The following IQSEC1 variants were observed in gnomAD, a reference collection of about 807,000 sequenced individuals.
IQSEC1 encodes IQ motif and Sec7 domain ArfGEF 1.
IQSEC1 carries 31 observed loss-of-function variants against 91.0 expected under a neutral mutation model. The ratio of observed to expected loss-of-function variants is 0.34; its 90% CI spans 0.26 to 0.46. IQSEC1 has a LOEUF of 0.46. Among genes scored for constraint, IQSEC1 ranks in the 20% least tolerant of loss-of-function variants. The probability of loss-of-function intolerance (pLI) is 1.00; values close to 1 mark genes in which losing one functional copy is unlikely to be tolerated. For synonymous variants in IQSEC1, 699 were observed against 662.6 expected (o/e 1.05, Z -0.84); for missense variants, 1,388 against 1,575.6 (o/e 0.88, Z 2.02).
chr3:13,216,148 A>G (rs1329550363), intron 1 of IQSEC1, among the ~76,000 whole-genome samples: 1 of 152,218 alleles, frequency 6.6e-6, no homozygotes, highest in Non-Finnish European at 1.5e-5. Context: ...AATCTATCCA[A>G]AGGACACAGT....
At chr3:13,238,812 G>C (rs923685059) in intron 1 of IQSEC1, among the ~76,000 whole-genome samples, 3 of 152,298 alleles carry the variant, frequency 2.0e-5, no homozygotes, top group Middle Eastern at 3.4e-3. Flanking sequence ...TGGGTGTGCA[G>C]CAGCCCCCAG....
At chr3:12,925,153 G>T (rs1045210528) in intron 3 of IQSEC1, among the ~76,000 whole-genome samples, 2 of 152,078 alleles carry the variant, frequency 1.3e-5, no homozygotes, top group Admixed American at 1.3e-4. Flanking sequence ...CCAAACTCCC[G>T]CACACACATT....
rs1404860177 is a variant in IQSEC1 at position 12,967,839 on chromosome 3, G to A, written c.24-25974C>T. On this transcript the variant is annotated intron_variant, in intron 1 of 13. Coordinates refer to ENST00000613206, the MANE Select transcript of IQSEC1 (RefSeq NM_001134382.3). This position sits in a 1 kb window ranked among gnomAD's most constrained non-coding sequence, Gnocchi z 5.9. ...GGCGAGACTGCACGGAGCGTGTGGGGAAGAGAGCACAGGAGGCGTGGCCAC... is the reference window on the plus strand; with the variant it reads ...GGCGAGACTGCACGGAGCGTGTGGGAAAGAGAGCACAGGAGGCGTGGCCAC... 3 of 292,578 alleles carry A rather than the reference G, an allele frequency of 1.0e-5. No individual in the cohort carries two copies. In the East Asian group the frequency reaches 5.8e-4, roughly 57 times the overall value. The allele number at this position is 292,578 out of a possible 1,614,324, so 18.1% of individuals were successfully genotyped here.
At chr3:13,062,615 C>T (rs947034988) in intron 1 of IQSEC1, among the ~76,000 whole-genome samples, 11 of 152,116 alleles carry the variant, frequency 7.2e-5, no homozygotes, top group African/African-American at 9.7e-5. Flanking sequence ...GTGGCCTGAC[C>T]TCTCTGCAGC....
At chr3:13,252,728 G>GTT (rs558834911) in intron 1 of IQSEC1, among the ~76,000 whole-genome samples, 1 of 117,954 alleles carries the variant, frequency 8.5e-6, no homozygotes, top group African/African-American at 5.1e-5. Context: ...GTTTTTTTTT[G>GTT]TTTTTGTTTG....
At chr3:13,006,397 T>C (rs1036605766) in intron 1 of IQSEC1, among the ~76,000 whole-genome samples, 2 of 151,988 alleles carry the variant, frequency 1.3e-5, no homozygotes, top group Non-Finnish European at 2.9e-5. Flanking sequence ...GTGGGGGCCA[T>C]GTGGAGGGAA....
At chr3:13,281,072 T>C (rs1244100652) in intron 1 of IQSEC1, among the ~76,000 whole-genome samples, 2 of 152,198 alleles carry the variant, frequency 1.3e-5, no homozygotes, top group Non-Finnish European at 2.9e-5. Context: ...AGGAAGCCAT[T>C]CCCCAGGGTG....
In IQSEC1 at chr3:13,219,699, T is replaced by C. The variant is rs528847710; in HGVS notation, c.273-55566A>G. 2.6e-5 allele frequency among the ~76,000 whole-genome samples: 4 copies of C among 152,366 alleles called. No individual in the cohort carries two copies. The South Asian group carries it at 6.2e-4, about 24-fold the overall frequency. On this transcript the variant is annotated intron_variant, in intron 1 of 15. Coordinates refer to the IQSEC1 transcript ENST00000648114. ...CTTGCTGGGGCAGTGGCGCCAGTGC[T>C]GGCCCAAGGCCCGGCCACCTCAGCA...
chr3:13,216,340 T>C, intron 1 of IQSEC1, among the ~76,000 whole-genome samples: 1 of 152,196 alleles, frequency 6.6e-6, no homozygotes, highest in Non-Finnish European at 1.5e-5. Flanking sequence ...GAGGAACACA[T>C]GGTCAAATAT....
intron 2 of IQSEC1, among the ~76,000 whole-genome samples, chr3:13,088,229 T>C (rs2125136093): frequency 6.6e-6 from 1 of 152,306 alleles, no homozygotes; most frequent in East Asian, 1.9e-4. Context: ...GCTAACGCAG[T>C]GGGTGGCGAA....
intron 3 of IQSEC1, among the ~76,000 whole-genome samples, chr3:12,932,696 G>T (rs1015532971): frequency 1.3e-5 from 2 of 152,208 alleles, no homozygotes; most frequent in Non-Finnish European, 2.9e-5. Context: ...GGTGCAGGCA[G>T]TGAGGCTCAG....
rs1276048797 is a variant in IQSEC1 at position 13,115,051 on chromosome 3, G to A, written c.302+49053C>T. Among the ~76,000 whole-genome samples the A allele has an allele frequency of 5.9e-5, 9 of 152,308 alleles. No individual in the cohort carries two copies. In the East Asian group the frequency reaches 1.7e-3, roughly 29 times the overall value. On this transcript the variant is annotated intron_variant, in intron 2 of 15. Transcript: ENST00000648114. Reference sequence around the variant, plus strand: ...GGTGCCGGGCAGGGGGGCTGTGGGGGCTGGAAGCTCAGGTGCGGCCTTGAA... The same window carrying A: ...GGTGCCGGGCAGGGGGGCTGTGGGGACTGGAAGCTCAGGTGCGGCCTTGAA...
chr3:13,035,034 A>AC (rs1486316661), intron 1 of IQSEC1, among the ~76,000 whole-genome samples: 1 of 152,248 alleles, frequency 6.6e-6, no homozygotes, highest in African/African-American at 2.4e-5. Flanking sequence ...TCCTCCACTG[A>AC]CATCCCAGCA....
intron 2 of IQSEC1, among the ~76,000 whole-genome samples, chr3:13,080,430 C>T (rs948484688): frequency 1.1e-4 from 16 of 152,072 alleles, no homozygotes; most frequent in African/African-American, 3.4e-4. Context: ...GGGACACAGG[C>T]AGAGATGCAG....
In IQSEC1 at chr3:12,908,948, G is replaced by A. The variant is rs750620612; in HGVS notation, c.2578+325C>T. Reference sequence around the variant, plus strand: ...GCCTTGGCTGTGTGACCCATCAGTCGGTTGAGCCTGATGCAGAAGATGACG... The same window carrying A: ...GCCTTGGCTGTGTGACCCATCAGTCAGTTGAGCCTGATGCAGAAGATGACG... On this transcript the variant is annotated intron_variant, in intron 11 of 13. Coordinates refer to ENST00000613206, the MANE Select transcript of IQSEC1 (RefSeq NM_001134382.3). The surrounding 1 kb of genome is among the most constrained non-coding windows in gnomAD (Gnocchi z 4.9). Among the ~76,000 whole-genome samples, 12 of 152,134 alleles carry A rather than the reference G, an allele frequency of 7.9e-5. No individual in the cohort carries two copies. The East Asian group carries it at 9.6e-4, about 12-fold the overall frequency.
At chr3:12,966,741 C>CTCTG (rs1700597217) in intron 1 of IQSEC1, among the ~76,000 whole-genome samples, 1 of 152,320 alleles carries the variant, frequency 6.6e-6, no homozygotes, top group Non-Finnish European at 1.5e-5. Flanking sequence ...CCCCAGTGCA[C>CTCTG]CCCCAAGTGG....
At chr3:13,116,223 G>A (rs1188030907) in intron 2 of IQSEC1, among the ~76,000 whole-genome samples, 2 of 152,220 alleles carry the variant, frequency 1.3e-5, no homozygotes, top group South Asian at 2.1e-4. Flanking sequence ...GGGAAACTCA[G>A]GGCCCAGGGG....
chr3:12,956,381 C>G (rs1332503019), intron 1 of IQSEC1, among the ~76,000 whole-genome samples: 1 of 152,190 alleles, frequency 6.6e-6, no homozygotes, highest in Non-Finnish European at 1.5e-5. Flanking sequence ...TTCAAGAACT[C>G]CCACAGCTCT....
At chr3:13,045,109 G>A (rs1267636613) in intron 1 of IQSEC1, among the ~76,000 whole-genome samples, 1 of 152,196 alleles carries the variant, frequency 6.6e-6, no homozygotes, top group Non-Finnish European at 1.5e-5. Flanking sequence ...TCTGCCTCCT[G>A]GCCACTCCTC....
Sources: gnomAD v4.1 joint callset for allele counts (sites outside exome capture counted in the v4.1 genomes callset) on GRCh38, gnomAD v4.1.1 for gene constraint, Gnocchi (gnomAD v3.1) non-coding constraint, MANE v1.5 for transcripts, NCBI Gene and HGNC (gene_info 2026-07-23, HGNC 2026-07-21) for gene names.